The following LRP1B variants were observed in gnomAD, a reference collection of about 807,000 sequenced individuals.
LRP1B encodes low-density lipoprotein receptor-related protein 1B.
In LRP1B, 217 loss-of-function variants were observed where a neutral mutation model predicts 556.6. That is an observed-to-expected ratio of 0.39 (90% CI 0.35 to 0.44). LRP1B has a LOEUF of 0.44. Ranked by LOEUF, LRP1B falls within the 20% of genes least tolerant of loss-of-function variation. LRP1B has a pLI of 1.00. For missense variants in LRP1B, 5,053 were observed against 5,620.8 expected (o/e 0.90, Z 3.23); for synonymous variants, 2,047 against 1,865.8 (o/e 1.10, Z -2.50).
At chr2:141,259,193 T>C (rs1226539434) in intron 3 of LRP1B, among the ~76,000 whole-genome samples, 1 of 152,158 alleles carries the variant, frequency 6.6e-6, no homozygotes, top group South Asian at 2.1e-4. Context: ...GGATAAAAAT[T>C]AATTCAGAGT....
chr2:140,411,070 A>G (rs959291065), intron 66 of LRP1B, among the ~76,000 whole-genome samples: 1 of 152,118 alleles, frequency 6.6e-6, no homozygotes, highest in Admixed American at 6.6e-5. Context: ...TTCTTTTTCA[A>G]TGCTAATTAA....
intron 1 of LRP1B, among the ~76,000 whole-genome samples, chr2:142,074,953 G>A (rs571440614): frequency 2.0e-4 from 30 of 151,964 alleles, no homozygotes; most frequent in Admixed American, 4.6e-4. Context: ...TTGTCTTGTC[G>A]GTGTCCATTC....
intron 35 of LRP1B, among the ~76,000 whole-genome samples, chr2:140,723,704 A>G (rs1687494132): frequency 1.3e-5 from 2 of 152,332 alleles, no homozygotes; most frequent in South Asian, 2.1e-4. Context: ...CATATGGCCA[A>G]TAATTTGAAA....
intron 5 of LRP1B, among the ~76,000 whole-genome samples, chr2:141,241,463 T>C (rs1042516970): frequency 6.6e-6 from 1 of 152,052 alleles, no homozygotes; most frequent in East Asian, 1.9e-4. Flanking sequence ...GACACACTTA[T>C]GTAGATCATA....
intron 3 of LRP1B, among the ~76,000 whole-genome samples, chr2:141,315,771 C>T (rs1247637376): frequency 6.6e-6 from 1 of 150,992 alleles, no homozygotes; most frequent in African/African-American, 2.4e-5. Context: ...TGCAGGAGAC[C>T]TTTCAGAATT....
intron 6 of LRP1B, among the ~76,000 whole-genome samples, chr2:141,206,581 C>T (rs1394087950): frequency 2.1e-5 from 3 of 140,748 alleles, no homozygotes; most frequent in Non-Finnish European, 4.9e-5. Context: ...AGCAAGACTC[C>T]GTCTCAAAAA....
At chr2:140,939,726 G>A (rs913883095) in intron 20 of LRP1B, among the ~76,000 whole-genome samples, 1 of 151,424 alleles carries the variant, frequency 6.6e-6, no homozygotes, top group Non-Finnish European at 1.5e-5. Flanking sequence ...CCAGAACAAT[G>A]ACAATAAACC....
chr2:141,252,165 C>T (rs1261343335), intron 4 of LRP1B, among the ~76,000 whole-genome samples: 1 of 151,598 alleles, frequency 6.6e-6, no homozygotes, highest in Non-Finnish European at 1.5e-5. Flanking sequence ...TATGGGGTTG[C>T]CTTTCTCCTG....
chr2:140,923,547 C>G (rs1254488394), intron 20 of LRP1B, among the ~76,000 whole-genome samples: 1 of 152,028 alleles, frequency 6.6e-6, no homozygotes, highest in African/African-American at 2.4e-5. Flanking sequence ...AAGACCTTGA[C>G]TTATTCTCTT....
intron 32 of LRP1B, among the ~76,000 whole-genome samples, chr2:140,796,816 GA>G (rs1252390085): frequency 6.6e-6 from 1 of 152,072 alleles, no homozygotes; most frequent in African/African-American, 2.4e-5. Context: ...AATTACAGAT[GA>G]AAGTGCAATA....
chr2:141,593,253 A>G (rs1369947589), intron 2 of LRP1B, among the ~76,000 whole-genome samples: 1 of 152,166 alleles, frequency 6.6e-6, no homozygotes, highest in Non-Finnish European at 1.5e-5. Flanking sequence ...ATGAAAGATA[A>G]ACAGCTTCAG....
At chr2:140,413,823 A>T (rs1468384252) in intron 66 of LRP1B, among the ~76,000 whole-genome samples, 4 of 152,200 alleles carry the variant, frequency 2.6e-5, no homozygotes, top group Non-Finnish European at 4.4e-5. Context: ...GATAAAATGG[A>T]ATTTCCATTT....
At chr2:141,881,039 G>T (rs185370304) in intron 1 of LRP1B, among the ~76,000 whole-genome samples, 6 of 151,952 alleles carry the variant, frequency 3.9e-5, no homozygotes, top group Non-Finnish European at 1.5e-5. Flanking sequence ...AATAAAAACC[G>T]AGCATTCTTC....
intron 3 of LRP1B, among the ~76,000 whole-genome samples, chr2:141,346,148 T>C (rs899437772): frequency 2.0e-5 from 3 of 152,130 alleles, no homozygotes; most frequent in Non-Finnish European, 4.4e-5. Flanking sequence ...TTTGTTTGTT[T>C]TTATTTTCTG....
At chr2:140,587,127 C>T (rs1682017578) in intron 43 of LRP1B, among the ~76,000 whole-genome samples, 1 of 151,846 alleles carries the variant, frequency 6.6e-6, no homozygotes, top group Admixed American at 6.6e-5. Flanking sequence ...TGTCAGTAAA[C>T]TAAAAAGTAG....
chr2:142,115,915 A>G (rs1707255541), intron 1 of LRP1B, among the ~76,000 whole-genome samples: 1 of 132,074 alleles, frequency 7.6e-6, no homozygotes, highest in Non-Finnish European at 1.6e-5. Flanking sequence ...CAATTAATAA[A>G]CCTATAGTAG....
chr2:141,801,413 T>C (rs1696001543), intron 2 of LRP1B, among the ~76,000 whole-genome samples: 1 of 152,118 alleles, frequency 6.6e-6, no homozygotes, highest in African/African-American at 2.4e-5. Flanking sequence ...CTTGGCTTCC[T>C]TAAACACTGG....
chr2:140,832,030 G>T (rs1214656154), intron 31 of LRP1B, among the ~76,000 whole-genome samples: 1 of 152,188 alleles, frequency 6.6e-6, no homozygotes, highest in Non-Finnish European at 1.5e-5. Flanking sequence ...AGTAGCTAGT[G>T]AGGAGGTACA....
At chr2:141,770,088 T>A (rs1412368702) in intron 2 of LRP1B, among the ~76,000 whole-genome samples, 1 of 152,090 alleles carries the variant, frequency 6.6e-6, no homozygotes, top group Non-Finnish European at 1.5e-5. Context: ...CTGATTCAAT[T>A]GATTTCTGAT....
Sources: gnomAD v4.1 joint callset for allele counts (sites outside exome capture counted in the v4.1 genomes callset) on GRCh38, gnomAD v4.1.1 for gene constraint, MANE v1.5 for transcripts, NCBI Gene and HGNC (gene_info 2026-07-23, HGNC 2026-07-21) for gene names.